The following NMNAT2 variants were observed in gnomAD, a reference collection of about 807,000 sequenced individuals.
NMNAT2 encodes nicotinamide nucleotide adenylyltransferase 2, also known as nicotinamide/nicotinic acid mononucleotide adenylyltransferase 2.
A neutral mutation model predicts 41.6 loss-of-function variants in NMNAT2; 11 were observed. The observed-to-expected ratio is 0.26, with a 90% CI of 0.17 to 0.44. The LOEUF (loss-of-function observed/expected upper bound fraction) is 0.44. NMNAT2 is among the 20% of genes least tolerant of loss of function. The pLI is 1.00. For synonymous variants in NMNAT2, 148 were observed against 151.2 expected (o/e 0.98, Z 0.16); for missense variants, 288 against 407.7 (o/e 0.71, Z 2.53).
chr1:183,327,058 G>GTATGTATT (rs141051191), intron 1 of NMNAT2, among the ~76,000 whole-genome samples: 14,161 of 150,696 alleles, frequency 0.094, 679 homozygotes, highest in Middle Eastern at 0.12. Context: ...ATGTATGTAT[G>GTATGTATT]TATTTATTTT....
intron 8 of NMNAT2, among the ~76,000 whole-genome samples, chr1:183,266,223 A>G (rs377363865): frequency 4.6e-5 from 7 of 152,130 alleles, no homozygotes; most frequent in Admixed American, 4.6e-4. Flanking sequence ...AAACTAGTTC[A>G]CCTCTGTCAT....
At chr1:183,278,692 C>T (rs1571568762) in intron 7 of NMNAT2, 63 bp from the exon 8 acceptor site, 4 of 1,158,968 alleles carry the variant, frequency 3.5e-6, no homozygotes, top group East Asian at 2.4e-5. Context: ...ATTTGACCCT[C>T]AGCCTTCTTC....
chr1:183,288,401 G>A (rs1197916803), intron 4 of NMNAT2, among the ~76,000 whole-genome samples: 1 of 152,194 alleles, frequency 6.6e-6, no homozygotes, highest in Non-Finnish European at 1.5e-5. Flanking sequence ...TTAGGAAGCA[G>A]CTCCAAGCTC....
At chr1:183,365,186 T>G (rs923472622) in intron 1 of NMNAT2, among the ~76,000 whole-genome samples, 2 of 151,684 alleles carry the variant, frequency 1.3e-5, no homozygotes, top group Non-Finnish European at 2.9e-5. Flanking sequence ...AAAGTGGAGG[T>G]GGCTTAACAT....
At chr1:183,384,812 T>C (rs1411902089) in intron 1 of NMNAT2, among the ~76,000 whole-genome samples, 1 of 152,276 alleles carries the variant, frequency 6.6e-6, no homozygotes, top group South Asian at 2.1e-4. Flanking sequence ...GTCTGTGGTA[T>C]ATTGGGTGCC....
intron 1 of NMNAT2, among the ~76,000 whole-genome samples, chr1:183,363,575 C>T (rs1448797746): frequency 8.5e-6 from 1 of 117,706 alleles, no homozygotes; most frequent in Non-Finnish European, 1.8e-5. Context: ...GACACACACA[C>T]ACATACACAC....
At chr1:183,356,155 T>C (rs1232789222) in intron 1 of NMNAT2, among the ~76,000 whole-genome samples, 2 of 152,254 alleles carry the variant, frequency 1.3e-5, no homozygotes, top group Non-Finnish European at 2.9e-5. Flanking sequence ...CGCCAGGAAG[T>C]GAGCTATTTT....
intron 1 of NMNAT2, among the ~76,000 whole-genome samples, chr1:183,358,823 A>T (rs1353350384): frequency 6.6e-6 from 1 of 152,198 alleles, no homozygotes; most frequent in Non-Finnish European, 1.5e-5. Context: ...GGATAGCAGT[A>T]AACTGAAAGG....
chr1:183,376,663 C>G (rs1663685552), intron 1 of NMNAT2, among the ~76,000 whole-genome samples: 1 of 151,970 alleles, frequency 6.6e-6, no homozygotes, highest in Admixed American at 6.6e-5. Flanking sequence ...TTTTGCTGTC[C>G]CATAAAATTC....
chr1:183,342,410 T>G (rs1003224174), intron 1 of NMNAT2, among the ~76,000 whole-genome samples: 1 of 152,218 alleles, frequency 6.6e-6, no homozygotes, highest in South Asian at 2.1e-4. Context: ...GGAGGATGCT[T>G]AGACCCATAG....
intron 1 of NMNAT2, among the ~76,000 whole-genome samples, chr1:183,392,382 A>T (rs534817565): frequency 6.6e-6 from 1 of 152,340 alleles, no homozygotes; most frequent in East Asian, 1.9e-4. Flanking sequence ...TCCCTGGTTC[A>T]AACCACCATC....
At chr1:183,363,278 A>T (rs1663343308) in intron 1 of NMNAT2, among the ~76,000 whole-genome samples, 1 of 152,190 alleles carries the variant, frequency 6.6e-6, no homozygotes, top group African/African-American at 2.4e-5. Flanking sequence ...AAGATTTTTT[A>T]AAAATTTCTC....
At chr1:183,407,270 T>C (rs1474934262) in intron 1 of NMNAT2, among the ~76,000 whole-genome samples, 2 of 152,198 alleles carry the variant, frequency 1.3e-5, no homozygotes, top group Non-Finnish European at 2.9e-5. Flanking sequence ...GACTTGCAGG[T>C]TCCCACTGTG....
intron 4 of NMNAT2, among the ~76,000 whole-genome samples, chr1:183,287,066 G>A (rs1160292825): frequency 5.9e-5 from 9 of 152,032 alleles, no homozygotes; most frequent in Admixed American, 6.6e-5. Flanking sequence ...TTATTTCATC[G>A]CTCCTGAACC....
chr1:183,299,547 C>T (rs564457879), intron 1 of NMNAT2, among the ~76,000 whole-genome samples: 103 of 151,430 alleles, frequency 6.8e-4, no homozygotes, highest in Middle Eastern at 3.4e-3. Context: ...CTGGACATTT[C>T]GGCTCATGCT....
At chr1:183,260,151 G>C (rs948183381) in intron 10 of NMNAT2, among the ~76,000 whole-genome samples, 3 of 152,116 alleles carry the variant, frequency 2.0e-5, no homozygotes, top group Non-Finnish European at 4.4e-5. Context: ...CCACCCTTGA[G>C]CCAGTGTGAT....
intron 1 of NMNAT2, among the ~76,000 whole-genome samples, chr1:183,321,483 G>A (rs1324115916): frequency 6.6e-6 from 1 of 152,220 alleles, no homozygotes; most frequent in Non-Finnish European, 1.5e-5. Context: ...GCTCACACCT[G>A]TAATCCCAGC....
intron 1 of NMNAT2, among the ~76,000 whole-genome samples, chr1:183,344,277 C>A (rs1045174982): frequency 5.3e-5 from 8 of 152,146 alleles, no homozygotes; most frequent in African/African-American, 1.9e-4. Flanking sequence ...GATGAGGAAA[C>A]CGAGGTTCGC....
intron 1 of NMNAT2, among the ~76,000 whole-genome samples, chr1:183,393,261 C>T (rs990212485): frequency 7.2e-5 from 11 of 152,168 alleles, no homozygotes; most frequent in Admixed American, 6.5e-5. Context: ...AAAATTCTTT[C>T]TCTTATACAG....
Sources: gnomAD v4.1 joint callset for allele counts (sites outside exome capture counted in the v4.1 genomes callset) on GRCh38, gnomAD v4.1.1 for gene constraint, MANE v1.5 for transcripts, NCBI Gene and HGNC (gene_info 2026-07-23, HGNC 2026-07-21) for gene names.